The following CNTN5 variants were observed in gnomAD, a reference collection of about 807,000 sequenced individuals.
CNTN5 encodes the protein contactin 5, also known as contactin-5.
CNTN5 carries 77 observed loss-of-function variants against 129.1 expected under a neutral mutation model. The ratio of observed to expected loss-of-function variants is 0.60; its 90% CI spans 0.50 to 0.72. The LOEUF is 0.72. CNTN5 is among the 30% of genes least tolerant of loss of function. The pLI is 0.00. For synonymous variants in CNTN5, 509 were observed against 465.6 expected, an observed-to-expected ratio of 1.09 and a Z score of -1.20; for missense variants, 1,478 against 1,328.8, an observed-to-expected ratio of 1.11 and a Z score of -1.75.
At chr11:99,143,315 T>C (rs1376428841) in intron 1 of CNTN5, among the ~76,000 whole-genome samples, 1 of 32,640 alleles carries the variant, frequency 3.1e-5, no homozygotes, top group Non-Finnish European at 5.1e-5. Context: ...AATATATATA[T>C]TTTAAAATAT....
chr11:100,184,742 AACTATT>A (rs1948244809), intron 13 of CNTN5, among the ~76,000 whole-genome samples: 1 of 152,126 alleles, frequency 6.6e-6, no homozygotes, highest in Non-Finnish European at 1.5e-5. Flanking sequence ...AGCAGTGGAA[AACTATT>A]ACTTTTCTAT....
At chr11:99,766,401 T>TA (rs1944756321) in intron 3 of CNTN5, among the ~76,000 whole-genome samples, 1 of 151,998 alleles carries the variant, frequency 6.6e-6, no homozygotes, top group South Asian at 2.1e-4. Flanking sequence ...ATTTCCTAAG[T>TA]AAAATAAATG....
At chr11:99,937,526 T>G (rs923266503) in intron 7 of CNTN5, among the ~76,000 whole-genome samples, 3 of 152,154 alleles carry the variant, frequency 2.0e-5, no homozygotes, top group Non-Finnish European at 4.4e-5. Context: ...GGGCTGTGCT[T>G]CGGAGATGTG....
At chr11:99,767,742 A>T (rs1426184500) in intron 3 of CNTN5, among the ~76,000 whole-genome samples, 1 of 151,904 alleles carries the variant, frequency 6.6e-6, no homozygotes, top group African/African-American at 2.4e-5. Context: ...CCTTCTCTTT[A>T]TCTTGCTGAG....
chr11:99,832,458 A>G (rs1457106226), intron 4 of CNTN5, among the ~76,000 whole-genome samples: 1 of 152,208 alleles, frequency 6.6e-6, no homozygotes, highest in Non-Finnish European at 1.5e-5. Flanking sequence ...TGTTGTGTGT[A>G]CAACGAAATG....
intron 1 of CNTN5, among the ~76,000 whole-genome samples, chr11:99,203,456 A>G (rs895253936): frequency 1.3e-5 from 2 of 152,136 alleles, no homozygotes; most frequent in Non-Finnish European, 2.9e-5. Flanking sequence ...TTACATTTGT[A>G]TCATATAATA....
chr11:100,074,228 C>T lies in CNTN5; in HGVS notation c.1514C>T (p.Pro505Leu). 1.2e-6 allele frequency: 2 copies of T among 1,611,672 alleles called. No homozygotes were observed. Among genetic ancestry groups the T allele is most frequent in the South Asian group, 1.1e-5 (1 of 90,814 alleles). The change falls in exon 13 of 25, where the codon CCC (proline) becomes CTC (leucine). Residue 505 changes from proline to leucine, a missense_variant. By Grantham distance (98) the Pro-to-Leu change is moderately conservative (BLOSUM62 -3). Coordinates refer to ENST00000524871, the MANE Select transcript of CNTN5 (RefSeq NM_014361.4). ...KDQEVVIECKPQGSPKPTISW... is the reference protein window; with the variant it reads ...KDQEVVIECKLQGSPKPTISW... ...CAAGAAGTTGTCATAGAGTGCAAACCCCAAGGCTCTCCAAAACCAACCATC... is the reference window on the plus strand; with the variant it reads ...CAAGAAGTTGTCATAGAGTGCAAACTCCAAGGCTCTCCAAAACCAACCATC...
intron 13 of CNTN5, among the ~76,000 whole-genome samples, chr11:100,184,301 CT>C (rs1948229329): frequency 6.6e-6 from 1 of 152,038 alleles, no homozygotes; most frequent in Non-Finnish European, 1.5e-5. Context: ...GATTAAGAAA[CT>C]TTGCTTAAGA....
At chr11:99,227,519 G>A (rs376606576) in intron 1 of CNTN5, among the ~76,000 whole-genome samples, 213 of 152,134 alleles carry the variant, frequency 1.4e-3, no homozygotes, top group African/African-American at 4.8e-3. Flanking sequence ...ATTCATTTAC[G>A]TCTAGGTAAG....
intron 3 of CNTN5, among the ~76,000 whole-genome samples, chr11:99,558,970 C>T (rs1856654545): frequency 6.6e-6 from 1 of 152,028 alleles, no homozygotes; most frequent in Non-Finnish European, 1.5e-5. Flanking sequence ...GATCATTTAT[C>T]AAGAATGATT....
chr11:99,608,074 C>T (rs972074925), intron 3 of CNTN5, among the ~76,000 whole-genome samples: 14 of 122,618 alleles, frequency 1.1e-4, no homozygotes, highest in African/African-American at 3.2e-4. Flanking sequence ...ACAATGTGCA[C>T]ATGTACCCTA....
chr11:99,899,858 C>G (rs1949307932), intron 6 of CNTN5, among the ~76,000 whole-genome samples: 1 of 151,864 alleles, frequency 6.6e-6, no homozygotes, highest in Non-Finnish European at 1.5e-5. Flanking sequence ...TCATGTGGTA[C>G]TAGGCTTTCT....
intron 7 of CNTN5, among the ~76,000 whole-genome samples, chr11:99,939,847 G>A (rs932318078): frequency 1.1e-4 from 17 of 152,074 alleles, no homozygotes; most frequent in Non-Finnish European, 2.5e-4. Flanking sequence ...TGTTATGGAA[G>A]TAAAATCATG....
intron 13 of CNTN5, among the ~76,000 whole-genome samples, chr11:100,162,790 T>C (rs558891455): frequency 1.4e-3 from 208 of 151,934 alleles, no homozygotes; most frequent in African/African-American, 4.9e-3. Context: ...AGTAATGAGA[T>C]CTTTGAATAT....
chr11:100,041,900 G>T (rs1204088432), intron 9 of CNTN5, among the ~76,000 whole-genome samples: 1 of 152,078 alleles, frequency 6.6e-6, no homozygotes, highest in African/African-American at 2.4e-5. Context: ...TAATACCAGG[G>T]GAAGGCCCTG....
chr11:100,338,098 T>C (rs1373962331), intron 21 of CNTN5, among the ~76,000 whole-genome samples: 3 of 152,184 alleles, frequency 2.0e-5, no homozygotes, highest in African/African-American at 7.2e-5. Flanking sequence ...TATAAAAACA[T>C]ACAAAAGACG....
intron 13 of CNTN5, among the ~76,000 whole-genome samples, chr11:100,086,166 C>T (rs1274596865): frequency 1.3e-5 from 2 of 151,662 alleles, no homozygotes; most frequent in Non-Finnish European, 2.9e-5. Context: ...CTTTGAAAGA[C>T]TCAGTTCACA....
At chr11:99,364,742 A>G (rs1050437488) in intron 2 of CNTN5, among the ~76,000 whole-genome samples, 1 of 152,150 alleles carries the variant, frequency 6.6e-6, no homozygotes, top group Non-Finnish European at 1.5e-5. Flanking sequence ...ATGGTAGTGA[A>G]GTTGCTGGAG....
intron 2 of CNTN5, among the ~76,000 whole-genome samples, chr11:99,435,786 A>G (rs550405238): frequency 2.0e-5 from 3 of 152,308 alleles, no homozygotes; most frequent in South Asian, 4.1e-4. Context: ...GGAGAATCGT[A>G]TACATAGACA....
Sources: allele counts gnomAD v4.1 joint callset (sites outside exome capture counted in the v4.1 genomes callset), GRCh38; gene constraint gnomAD v4.1.1; transcripts MANE v1.5; gene names NCBI Gene and HGNC (gene_info 2026-07-23, HGNC 2026-07-21).